Variants in ZNF410 observed in about 807,000 individuals in gnomAD.
The protein encoded by ZNF410 is zinc finger protein 410.
A neutral mutation model predicts 54.8 loss-of-function variants in ZNF410; 18 were observed. That is an observed-to-expected ratio of 0.33 (90% CI 0.23 to 0.49). The LOEUF (loss-of-function observed/expected upper bound fraction) is 0.49. ZNF410 is among the 20% of genes least tolerant of loss of function. The pLI, the probability that ZNF410 is intolerant of heterozygous loss-of-function variation, is 0.99. For missense variants in ZNF410, 405 were observed against 569.6 expected (o/e 0.71, Z 2.94); for synonymous variants, 191 against 207.3 (o/e 0.92, Z 0.68).
chr14:73,903,760 CA>C, intron 5 of ZNF410, 199 bp from the exon 6 acceptor site: 1 of 666,174 alleles, frequency 1.5e-6, no homozygotes, highest in Non-Finnish European at 2.4e-6. Context: ...CTTGGCTTCC[CA>C]AAGTGCTTGG....
intron 11 of ZNF410, chr14:73,927,156 G>A (rs2055846303): frequency 1.3e-5 from 3 of 236,578 alleles, no homozygotes; most frequent in Admixed American, 4.6e-5. Context: ...CACCATCTCG[G>A]CTCACTGCAA....
Position 73,923,414 on chromosome 14 carries a change from C to G in ZNF410, c.1290C>G (p.Ser430=). ...GVDDEVLAEG[S]PRSLSSVPDV... ...TCACAGAGGTGCTTGCTGAAGGATCCCCACGTTCCCTGTCTTCAGTGCCTG... is the reference window on the plus strand; with the variant it reads ...TCACAGAGGTGCTTGCTGAAGGATCGCCACGTTCCCTGTCTTCAGTGCCTG... The change falls in exon 11 of 12, where the codon TCC becomes TCG. Residue 430 remains serine, a synonymous_variant. Transcript: ENST00000555044. The G allele has an allele frequency of 6.2e-7, 1 of 1,613,128 alleles. No individual in the cohort carries two copies. The highest frequency in any genetic ancestry group is 8.5e-7 in the Non-Finnish European group (1 of 1,179,610).
chr14:73,912,616 C>A (rs1286660602), intron 8 of ZNF410, among the ~76,000 whole-genome samples: 1 of 152,154 alleles, frequency 6.6e-6, no homozygotes, highest in African/African-American at 2.4e-5. Flanking sequence ...TGGACTCTTC[C>A]ACTAATATCA....
At chr14:73,888,239 G>C (rs1283168640) in intron 1 of ZNF410, 1 of 152,174 alleles carries the variant, frequency 6.6e-6, no homozygotes, top group Non-Finnish European at 1.5e-5. Context: ...GGTTTGGTAA[G>C]GAAGATAATA....
In ZNF410 at chr14:73,931,476, TC is replaced by T. The variant is rs369175203; in HGVS notation, c.1399-26del. The stretch of plus-strand genomic sequence containing the variant: ...TTTCTATAATTCAACTGTAACCTAT[TC>T]TAGATTTGCTTTCAATCTTTTACAG... On this transcript the variant is annotated intron_variant, in intron 11 of 11. Coordinates refer to ENST00000555044, the MANE Select transcript of ZNF410 (RefSeq NM_021188.3). The T allele has an allele frequency of 2.6e-4, 421 of 1,599,630 alleles. 2 individuals carry two copies. The South Asian group carries it at 3.2e-3, about 12-fold the overall frequency.
At position 73,892,031 on chromosome 14, in the gene ZNF410, CATTG is replaced by C. The variant is rs750133067; in HGVS notation, c.-141_-138del. ...TCTTTTTTACCCCTATTCTAGGTTA[CATTG>C]ATTACCCACCTAGTACAACATCTTA... On this transcript the variant is annotated 5_prime_UTR_variant, in exon 2 of 12. Transcript: ENST00000555044. The C allele has an allele frequency of 1.1e-6, 1 of 909,800 alleles. No individual in the cohort carries two copies. The highest frequency in any genetic ancestry group is 2.4e-5 in the East Asian group (1 of 40,968). 56.4% of individuals were successfully genotyped at this position (909,800 alleles called of 1,614,324 possible). A position where few individuals can be genotyped will look rare whatever the true frequency, so the allele number is the denominator to read the frequency against.
chr14:73,896,417 G>A lies in ZNF410; in HGVS notation c.271G>A (p.Ala91Thr). Residue 91 changes from alanine to threonine, a missense_variant, in exon 4 of 12, where the codon GCT becomes ACT. Around this residue, in one of 3 missense-constraint regions of ZNF410, gnomAD observed 247 missense variants for 342.8 expected, o/e 0.72. Transcript: ENST00000555044. ...NVGPDGEETRAQTVQKSPEFL... is the reference protein window; with the variant it reads ...NVGPDGEETRTQTVQKSPEFL... ...GGGTCCAGACGGAGAGGAGACGAGA[G>A]CTCAGACTGTACAGAAATCCCCGGA... The A allele has an allele frequency of 2.5e-6, 4 of 1,614,222 alleles. No individual in the cohort carries two copies. Among genetic ancestry groups the A allele is most frequent in the South Asian group, 1.1e-5 (1 of 91,084 alleles).
chr14:73,925,979 A>G (rs770374748), intron 11 of ZNF410, among the ~76,000 whole-genome samples: 11 of 152,198 alleles, frequency 7.2e-5, no homozygotes, highest in Non-Finnish European at 1.3e-4. Context: ...GGCTACAGTG[A>G]GCAGTGACTG....
chr14:73,906,669 G>A (rs897809181), intron 7 of ZNF410, among the ~76,000 whole-genome samples: 8 of 151,674 alleles, frequency 5.3e-5, no homozygotes, highest in Non-Finnish European at 8.8e-5. Context: ...TGTAGAGACC[G>A]GGTTTTGCCA....
At position 73,920,908 on chromosome 14, in the gene ZNF410, C is replaced by T. The variant is rs943521673; in HGVS notation, c.1004-72C>T. On this transcript the variant is annotated intron_variant, in intron 8 of 11. Transcript: ENST00000555044. ...GTTCAGTTTAACATTCTCTGGGTTT[C>T]TCCATCTAGGTCTTGAGTTCATTCT... 3.2e-6 allele frequency: 5 copies of T among 1,586,300 alleles called. No homozygotes were observed. In the South Asian group the frequency reaches 5.7e-5, roughly 18 times the overall value.
intron 1 of ZNF410, among the ~76,000 whole-genome samples, chr14:73,887,898 C>G (rs1191249640): frequency 6.6e-6 from 1 of 152,120 alleles, no homozygotes; most frequent in African/African-American, 2.4e-5. Flanking sequence ...AGGGCTATGA[C>G]AATTTTTCCG....
Position 73,899,108 on chromosome 14 carries a change from G to A in ZNF410, c.580+846G>A, listed in dbSNP as rs188322100. On this transcript the variant is annotated intron_variant, in intron 5 of 11. Coordinates refer to ENST00000555044, the MANE Select transcript of ZNF410 (RefSeq NM_021188.3). Reference sequence around the variant, plus strand: ...TATCATTATCACAAACTAAGCTTAAGCACTTAGTACACAGTTGTTTGGAGT... The same window carrying A: ...TATCATTATCACAAACTAAGCTTAAACACTTAGTACACAGTTGTTTGGAGT... Among the ~76,000 whole-genome samples the A allele has an allele frequency of 1.4e-3, 213 of 151,758 alleles. 1 individual carries two copies. The highest frequency in any genetic ancestry group is 4.9e-3 in the African/African-American group (204 of 41,318).
chr14:73,916,599 G>A (rs1157090911), intron 8 of ZNF410: 1 of 152,110 alleles, frequency 6.6e-6, no homozygotes, highest in African/African-American at 2.4e-5. Context: ...CCTTGGACTT[G>A]GAATCAGCTA....
At chr14:73,931,163 A>G (rs945365657) in intron 11 of ZNF410, among the ~76,000 whole-genome samples, 2 of 152,140 alleles carry the variant, frequency 1.3e-5, no homozygotes, top group Non-Finnish European at 2.9e-5. Flanking sequence ...GCTGACACGT[A>G]TAAGATTTTG....
intron 7 of ZNF410, chr14:73,906,347 G>A (rs1739484135): frequency 6.6e-6 from 1 of 151,776 alleles, no homozygotes; most frequent in South Asian, 2.1e-4. Flanking sequence ...AGTGAGAAGA[G>A]GGGAAAAAGT....
At chr14:73,903,656 T>A (rs1421577773) in intron 5 of ZNF410, 3 of 293,006 alleles carry the variant, frequency 1.0e-5, no homozygotes, top group African/African-American at 4.4e-5. Context: ...TGTCTAATTT[T>A]TGTTTGTTTG....
At chr14:73,893,199 T>G (rs2055258585) in intron 2 of ZNF410, 1 of 152,244 alleles carries the variant, frequency 6.6e-6, no homozygotes, top group South Asian at 2.1e-4. Flanking sequence ...TTTAAGCCAT[T>G]ATTTTAAAAT....
chr14:73,897,365 T>C (rs752983986), intron 4 of ZNF410, among the ~76,000 whole-genome samples: 43 of 152,132 alleles, frequency 2.8e-4, no homozygotes, highest in Non-Finnish European at 5.4e-4. Context: ...CTAATTCTTT[T>C]TAAAAATAAG....
intron 1 of ZNF410, among the ~76,000 whole-genome samples, chr14:73,891,553 TA>T (rs1184331646): frequency 2.0e-5 from 3 of 152,032 alleles, no homozygotes; most frequent in African/African-American, 7.2e-5. Flanking sequence ...GGGGTTTCAC[TA>T]TGTTGGCCAG....
Sources: allele counts gnomAD v4.1 joint callset (sites outside exome capture counted in the v4.1 genomes callset), GRCh38; gene constraint gnomAD v4.1.1; regional missense constraint gnomAD v4.1.1; transcripts MANE v1.5; gene names NCBI Gene and HGNC (gene_info 2026-07-23, HGNC 2026-07-21).